GOPC: variants seen among roughly 807,000 people sequenced by gnomAD.
GOPC encodes golgi associated PDZ and coiled-coil motif containing.
Under a neutral mutation model 51.2 loss-of-function variants are expected in GOPC, and 32 were observed. The observed-to-expected ratio is 0.63, with a 90% CI of 0.47 to 0.84. The LOEUF (loss-of-function observed/expected upper bound fraction) is 0.84. GOPC is among the 40% of genes least tolerant of loss of function. GOPC has a pLI of 0.00. For missense variants in GOPC, 441 were observed against 555.5 expected (o/e 0.79, Z 2.07); for synonymous variants, 190 against 205.1 (o/e 0.93, Z 0.63).
intron 1 of GOPC, among the ~76,000 whole-genome samples, chr6:117,585,928 C>A (rs1319851950): frequency 1.3e-5 from 2 of 152,200 alleles, no homozygotes; most frequent in African/African-American, 4.8e-5. Context: ...ATAGTTGACT[C>A]CACATGGCAA....
chr6:117,567,410 G>A (rs928991311), intron 7 of GOPC, among the ~76,000 whole-genome samples: 1 of 152,154 alleles, frequency 6.6e-6, no homozygotes, highest in African/African-American at 2.4e-5. Context: ...CATCTAAATA[G>A]TCAGATATTA....
At chr6:117,587,621 G>T (rs1203042185) in intron 1 of GOPC, among the ~76,000 whole-genome samples, 1 of 152,032 alleles carries the variant, frequency 6.6e-6, no homozygotes, top group Non-Finnish European at 1.5e-5. Context: ...GAAGAGTTTT[G>T]ATTATTACTA....
chr6:117,573,527 C>A lies in GOPC; in HGVS notation c.756G>T (p.Val252=), dbSNP rs1202635649. 1 of 1,614,090 alleles carries A rather than the reference C, an allele frequency of 6.2e-7. No homozygotes were observed. Among genetic ancestry groups the A allele is most frequent in the South Asian group, 1.1e-5 (1 of 91,054 alleles). ...AEIHLHRHKT[V]IRACRGRNDL... ...CATTACGTCCTCTGCAGGCTCGGAT[C>A]ACAGTTTTGTGACGATGCAAATGTA... Residue 252 remains valine (V), a synonymous_variant, in exon 5 of 9, where the codon GTG becomes GTT. Coordinates refer to ENST00000368498, the MANE Select transcript of GOPC (RefSeq NM_020399.4).
rs139515873 is a variant in GOPC at position 117,565,567 on chromosome 6, A to G, written c.1258+1287T>C. Among the ~76,000 whole-genome samples, 747 of 152,286 alleles carry G rather than the reference A, an allele frequency of 4.9e-3. 10 individuals are homozygous for G. The highest frequency in any genetic ancestry group is 0.017 in the African/African-American group (723 of 41,560). Reference sequence around the variant, plus strand: ...CCATGAAGTTATGTAGCAATTCCAAAAGTTGACACATTTCACTTTACTGTA... The same window carrying G: ...CCATGAAGTTATGTAGCAATTCCAAGAGTTGACACATTTCACTTTACTGTA... On this transcript the variant is annotated intron_variant, in intron 8 of 8. Transcript: ENST00000368498.
chr6:117,573,416 TAAAG>T (rs761117426), intron 5 of GOPC, 47 bp downstream of exon 5: 22 of 1,567,280 alleles, frequency 1.4e-5, no homozygotes, highest in African/African-American at 2.7e-5. Context: ...CAACTGTGAT[TAAAG>T]AAAGAAAGAA....
intron 8 of GOPC, 129 bp from the exon 9 acceptor site, chr6:117,563,513 G>A: frequency 1.3e-6 from 1 of 798,786 alleles, no homozygotes; most frequent in Admixed American, 2.2e-5. Flanking sequence ...CCTGAGGTTA[G>A]GGGTTCGAGA....
chr6:117,597,510 G>A lies in GOPC; in HGVS notation c.285+4494C>T, dbSNP rs149820408. On this transcript the variant is annotated intron_variant, in intron 1 of 8. Transcript: ENST00000368498. ...CAGTGCCACTACTATTCCAATCAAT[G>A]CCTATGATTCTAGCATAGCCATGAT... is the stretch of plus-strand genomic sequence containing the variant. Among the ~76,000 whole-genome samples the A allele has an allele frequency of 2.0e-5, 3 of 152,244 alleles. No individual in the cohort carries two copies. The East Asian group carries it at 5.8e-4, about 29-fold the overall frequency.
chr6:117,574,938 C>T (rs1370651752), intron 4 of GOPC, among the ~76,000 whole-genome samples: 2 of 151,744 alleles, frequency 1.3e-5, no homozygotes, highest in Admixed American at 6.6e-5. Context: ...ATTTAGCTGG[C>T]CGTGGTGGCA....
chr6:117,572,058 T>C (rs1001694285), intron 5 of GOPC, among the ~76,000 whole-genome samples: 3 of 152,144 alleles, frequency 2.0e-5, no homozygotes, highest in Non-Finnish European at 4.4e-5. Context: ...AAGGATAGTT[T>C]CCCTAATATT....
intron 1 of GOPC, among the ~76,000 whole-genome samples, chr6:117,580,296 T>A (rs1779939280): frequency 6.6e-6 from 1 of 152,130 alleles, no homozygotes; most frequent in Non-Finnish European, 1.5e-5. Flanking sequence ...ATTCTAATAC[T>A]AGCCCTGTGA....
intron 7 of GOPC, among the ~76,000 whole-genome samples, chr6:117,568,136 G>A (rs1325885839): frequency 1.3e-5 from 2 of 151,974 alleles, no homozygotes; most frequent in Non-Finnish European, 2.9e-5. Context: ...GGAGGTTGAG[G>A]CTGCAGTGGT....
At chr6:117,573,830 A>AC (rs1779841275) in intron 4 of GOPC, among the ~76,000 whole-genome samples, 198 bp from the exon 5 acceptor site, 1 of 152,118 alleles carries the variant, frequency 6.6e-6, no homozygotes, top group Non-Finnish European at 1.5e-5. Context: ...CAAGGGAAAA[A>AC]CCAGTAAAAA....
chr6:117,575,617 T>G, intron 3 of GOPC: 1 of 612,292 alleles, frequency 1.6e-6, no homozygotes, highest in East Asian at 3.2e-5. Context: ...TTATCACATA[T>G]TAGTAAAAGT....
intron 8 of GOPC, among the ~76,000 whole-genome samples, chr6:117,563,969 CCTTTTTTTTTTTT>C (rs1779641394): frequency 6.6e-6 from 1 of 150,716 alleles, no homozygotes; most frequent in East Asian, 1.9e-4. Flanking sequence ...GTTTTCCTTT[CCTTTTTTTTTTTT>C]CTTTTTTTTT....
chr6:117,594,000 C>G (rs566171354), intron 1 of GOPC, among the ~76,000 whole-genome samples: 2 of 152,316 alleles, frequency 1.3e-5, no homozygotes, highest in South Asian at 4.1e-4. Flanking sequence ...TCATGTCATT[C>G]TCTGCAATTT....
In GOPC at chr6:117,579,050, A is replaced by T. The variant is rs1422459551; in HGVS notation, c.300T>A (p.Asp100Glu). Residue 100 changes from aspartate to glutamate, a missense_variant, in exon 2 of 9, where the codon GAT (aspartate) becomes GAA (glutamate). By Grantham distance (45) the Asp-to-Glu change is conservative (BLOSUM62 2). Coordinates refer to ENST00000368498, the MANE Select transcript of GOPC (RefSeq NM_020399.4). ...GGGTTTCTGTCAGTTCAGATTTCAG[A>T]TCCACCAACTGTGCCTTATAAAGAA... Reference protein sequence around the residue: ...INHKLEAQLVDLKSELTETQA... With the variant: ...INHKLEAQLVELKSELTETQA... 6.2e-7 allele frequency: 1 copy of T among 1,606,796 alleles called. No individual in the cohort carries two copies.
intron 1 of GOPC, among the ~76,000 whole-genome samples, chr6:117,598,370 C>G (rs1366787552): frequency 6.6e-5 from 10 of 151,248 alleles, no homozygotes; most frequent in Admixed American, 6.6e-4. Context: ...GAGGCCCTGT[C>G]TCAAAAAAAG....
chr6:117,563,137 C>T lies in GOPC; in HGVS notation c.*117G>A. 1 of 883,038 alleles carries T rather than the reference C, an allele frequency of 1.1e-6. No individual in the cohort carries two copies. Among genetic ancestry groups the T allele is most frequent in the South Asian group, 1.6e-5 (1 of 62,400 alleles). 54.7% of individuals were successfully genotyped at this position (883,038 alleles called of 1,614,324 possible). A position where few individuals can be genotyped will look rare whatever the true frequency, so the allele number is the denominator to read the frequency against. Reference sequence around the variant, plus strand: ...TTCACATGAAGCCCTGAGGTACCCGCCTTTCATTTAGGCAACAAACAGCCT... The same window carrying T: ...TTCACATGAAGCCCTGAGGTACCCGTCTTTCATTTAGGCAACAAACAGCCT... On this transcript the variant is annotated 3_prime_UTR_variant, in exon 9 of 9. Coordinates refer to ENST00000368498, the MANE Select transcript of GOPC (RefSeq NM_020399.4).
chr6:117,582,742 TTCATGGA>T (rs1779978642), intron 1 of GOPC, among the ~76,000 whole-genome samples: 1 of 149,230 alleles, frequency 6.7e-6, no homozygotes, highest in Non-Finnish European at 1.5e-5. Flanking sequence ...CATCCTTCAA[TTCATGGA>T]TGAAGGATGG....
Sources: allele counts gnomAD v4.1 joint callset (sites outside exome capture counted in the v4.1 genomes callset), GRCh38; gene constraint gnomAD v4.1.1; transcripts MANE v1.5; gene names NCBI Gene and HGNC (gene_info 2026-07-23, HGNC 2026-07-21).